Variants in DGKD observed in about 807,000 individuals in gnomAD.
The protein encoded by DGKD is diacylglycerol kinase delta.
DGKD carries 68 observed loss-of-function variants against 154.4 expected under a neutral mutation model. The ratio of observed to expected loss-of-function variants is 0.44; its 90% CI spans 0.36 to 0.54. DGKD has a LOEUF of 0.54. Among genes scored for constraint, DGKD ranks in the 20% least tolerant of loss-of-function variants. The probability of loss-of-function intolerance (pLI) is 0.00; values close to 1 mark genes in which losing one functional copy is unlikely to be tolerated. For missense variants in DGKD, 1,343 were observed against 1,593.6 expected, an observed-to-expected ratio of 0.84 and a Z score of 2.68; for synonymous variants, 693 against 638.0, an observed-to-expected ratio of 1.09 and a Z score of -1.30.
chr2:233,455,617 G>T (rs1451288643), intron 19 of DGKD, among the ~76,000 whole-genome samples: 1 of 152,254 alleles, frequency 6.6e-6, no homozygotes, highest in African/African-American at 2.4e-5. Context: ...CGGTGTTTGT[G>T]CAGAGAACAG....
Position 233,464,156 on chromosome 2 carries a change from TGGAGCAGCAGCTGGATCCGCCTCAGAA to T in DGKD, c.3188_3214del (p.Gln1063_Gln1071del). On this transcript the variant is annotated splice_acceptor_variant and splice_polypyrimidine_tract_variant and coding_sequence_variant and intron_variant, in exon 27 of 30. Coordinates refer to ENST00000264057, the MANE Select transcript of DGKD (RefSeq NM_152879.3). LOFTEE classifies it high-confidence loss of function. ...CCATTTCTCTCTCCCTCCCTCCGCC[TGGAGCAGCAGCTGGATCCGCCTCAGAA>T]GGAGCAGCTGGGGAGTGCTCTTGCC... The T allele has an allele frequency of 6.2e-7, 1 of 1,613,188 alleles. No individual in the cohort carries two copies. Among genetic ancestry groups the T allele is most frequent in the Admixed American group, 1.7e-5 (1 of 59,992 alleles).
In DGKD at chr2:233,412,879, CAAATT is replaced by C. The variant is rs2061861869; in HGVS notation, c.349-21495_349-21491del. ...TTTCTCCTTTATATTATTAAAAGGGCAAATTAAATTGGTTGATTTTCAAATTTAAG... is the reference window on the plus strand; with the variant it reads ...TTTCTCCTTTATATTATTAAAAGGGCAAATTGGTTGATTTTCAAATTTAAG... On this transcript the variant is annotated intron_variant, in intron 3 of 29. Coordinates refer to ENST00000264057, the MANE Select transcript of DGKD (RefSeq NM_152879.3). Among the ~76,000 whole-genome samples, 3 of 152,180 alleles carry C rather than the reference CAAATT, an allele frequency of 2.0e-5. No individual in the cohort carries two copies. In the South Asian group the frequency reaches 6.2e-4, roughly 32 times the overall value.
chr2:233,446,299 C>T (rs2063068003), intron 11 of DGKD, among the ~76,000 whole-genome samples: 1 of 152,238 alleles, frequency 6.6e-6, no homozygotes, highest in Admixed American at 6.5e-5. Flanking sequence ...TAGTTGCTCC[C>T]AGAAGCCTGG....
At chr2:233,451,306 T>C (rs2063285338) in intron 17 of DGKD, among the ~76,000 whole-genome samples, 1 of 151,012 alleles carries the variant, frequency 6.6e-6, no homozygotes, top group Non-Finnish European at 1.5e-5. Context: ...GAGGTGATGC[T>C]CGAGTCGGGG....
intron 3 of DGKD, among the ~76,000 whole-genome samples, chr2:233,425,438 C>T (rs540498434): frequency 6.6e-6 from 1 of 152,326 alleles, no homozygotes; most frequent in South Asian, 2.1e-4. Flanking sequence ...TTGCCCGCCT[C>T]AGCCTCCCAA....
rs1370438643 is a variant in DGKD, at chr2:233,470,450, GC to G, written c.*994del. ...AGGCCGGAGGCTCTCCTGAGTGTCT[GC>G]CCCTGCAGTGGCTTCTTGTCGCCTG... On this transcript the variant is annotated 3_prime_UTR_variant, in exon 30 of 30. Coordinates refer to ENST00000264057, the MANE Select transcript of DGKD (RefSeq NM_152879.3). 1 of 152,680 alleles carries G rather than the reference GC, an allele frequency of 6.5e-6. No individual in the cohort carries two copies. The highest frequency in any genetic ancestry group is 2.4e-5 in the African/African-American group (1 of 41,474). The allele number at this position is 152,680 out of a possible 1,614,324, so 9.5% of individuals were successfully genotyped here.
rs750552060 is a variant in DGKD, at chr2:233,469,439, C to T, written c.3624C>T (p.Ser1208=). The change falls in exon 30 of 30, where the codon AGC becomes AGT. Residue 1208 remains serine, a synonymous_variant. Coordinates refer to ENST00000264057, the MANE Select transcript of DGKD (RefSeq NM_152879.3). The part of the protein sequence containing the change: ...ILCGIKELSR[S]APAVEA ...GTGGCATCAAGGAGCTGAGCCGCAG[C>T]GCCCCCGCCGTCGAGGCCTAGCCTC... 1.1e-5 allele frequency: 18 copies of T among 1,597,622 alleles called. No individual in the cohort carries two copies. The South Asian group carries it at 1.5e-4, about 13-fold the overall frequency.
intron 3 of DGKD, among the ~76,000 whole-genome samples, chr2:233,407,505 C>T (rs1014834134): frequency 3.3e-5 from 5 of 152,182 alleles, no homozygotes; most frequent in African/African-American, 1.2e-4. Flanking sequence ...GTGGCTCATG[C>T]CTGTAATCCC....
At chr2:233,399,475 G>A (rs902736719) in intron 3 of DGKD, among the ~76,000 whole-genome samples, 1 of 152,206 alleles carries the variant, frequency 6.6e-6, no homozygotes, top group Non-Finnish European at 1.5e-5. Context: ...GGCTGGGGAG[G>A]AACTGATGTG....
intron 7 of DGKD, among the ~76,000 whole-genome samples, chr2:233,437,095 C>T (rs772380651): frequency 1.1e-4 from 16 of 152,184 alleles, no homozygotes; most frequent in Non-Finnish European, 2.1e-4. Context: ...TAGCTGTGGT[C>T]GAAGGGCCAG....
intron 3 of DGKD, among the ~76,000 whole-genome samples, chr2:233,399,177 C>T (rs929151515): frequency 1.3e-5 from 2 of 152,232 alleles, no homozygotes; most frequent in African/African-American, 4.8e-5. Context: ...GTCATTCCTA[C>T]CTGTATTCCA....
At chr2:233,410,403 G>C (rs753593224) in intron 3 of DGKD, among the ~76,000 whole-genome samples, 4 of 152,166 alleles carry the variant, frequency 2.6e-5, no homozygotes, top group East Asian at 1.9e-4. Flanking sequence ...CCAGCTCTGC[G>C]CTGCCTTCTG....
intron 1 of DGKD, among the ~76,000 whole-genome samples, chr2:233,377,482 T>C (rs1170220624): frequency 1.3e-5 from 2 of 152,192 alleles, no homozygotes; most frequent in Non-Finnish European, 2.9e-5. Flanking sequence ...TCCACAATCC[T>C]TGTATAGTTA....
At position 233,457,815 on chromosome 2, in the gene DGKD, C is replaced by G. The variant is rs924753910; in HGVS notation, c.2581-469C>G. 2.9e-6 allele frequency: 1 copy of G among 344,856 alleles called. No homozygotes were observed. Among genetic ancestry groups the G allele is most frequent in the Admixed American group, 4.0e-5 (1 of 25,250 alleles). The allele number at this position is 344,856 out of a possible 1,614,324, so 21.4% of individuals were successfully genotyped here. The stretch of plus-strand genomic sequence containing the variant: ...AGAGGGCTGCAGGGCCTGGGTCACA[C>G]TGGGCTGTGTGAGCTGGGGAAGAAG... On this transcript the variant is annotated intron_variant, in intron 21 of 29. Coordinates refer to ENST00000264057, the MANE Select transcript of DGKD (RefSeq NM_152879.3). The surrounding 1 kb of genome is among the most constrained non-coding windows in gnomAD (Gnocchi z 5.5).
intron 3 of DGKD, among the ~76,000 whole-genome samples, chr2:233,397,349 A>G (rs12987352): frequency 3.2e-4 from 9 of 28,448 alleles, no homozygotes; most frequent in East Asian, 8.3e-4. Flanking sequence ...AGGGTGGCTG[A>G]GGGGGGCAGC....
chr2:233,431,486 A>T (rs987306888), intron 3 of DGKD, among the ~76,000 whole-genome samples: 1 of 152,224 alleles, frequency 6.6e-6, no homozygotes, highest in African/African-American at 2.4e-5. Context: ...TCTAAAATTT[A>T]TATGGATCCA....
intron 1 of DGKD, chr2:233,388,017 C>CT: frequency 1.3e-6 from 1 of 795,776 alleles, no homozygotes; most frequent in Non-Finnish European, 1.8e-6. Context: ...CACCCTGGGC[C>CT]TCTTGACACC....
At chr2:233,415,871 C>T (rs1256249503) in intron 3 of DGKD, among the ~76,000 whole-genome samples, 2 of 152,176 alleles carry the variant, frequency 1.3e-5, no homozygotes, top group East Asian at 1.9e-4. Flanking sequence ...AGGGATCCTC[C>T]TGCTTTGGCC....
intron 1 of DGKD, among the ~76,000 whole-genome samples, chr2:233,385,455 T>G (rs1010132673): frequency 3.3e-5 from 5 of 152,192 alleles, no homozygotes; most frequent in African/African-American, 1.2e-4. Context: ...CTGTGTGTGT[T>G]GCAAATTTGT....
Sources: gnomAD v4.1 joint callset for allele counts (sites outside exome capture counted in the v4.1 genomes callset) on GRCh38, gnomAD v4.1.1 for gene constraint, Gnocchi (gnomAD v3.1) non-coding constraint, MANE v1.5 for transcripts, NCBI Gene and HGNC (gene_info 2026-07-23, HGNC 2026-07-21) for gene names.